CTNND2: variants seen among roughly 807,000 people sequenced by gnomAD.
CTNND2 encodes the protein catenin delta-2.
In CTNND2, 22 loss-of-function variants were observed where a neutral mutation model predicts 144.4. The ratio of observed to expected loss-of-function variants is 0.15; its 90% confidence interval spans 0.11 to 0.22. The LOEUF is 0.22. Ranked by LOEUF, CTNND2 falls within the 10% of genes least tolerant of loss-of-function variation. The probability of loss-of-function intolerance (pLI) is 1.00; values close to 1 mark genes in which losing one functional copy is unlikely to be tolerated. For synonymous variants in CTNND2, 751 were observed against 695.6 expected, an observed-to-expected ratio of 1.08 and a Z score of -1.25; for missense variants, 1,353 against 1,618.8, an observed-to-expected ratio of 0.84 and a Z score of 2.82.
At chr5:11,822,572 G>A (rs1793372669) in intron 1 of CTNND2, among the ~76,000 whole-genome samples, 1 of 151,938 alleles carries the variant, frequency 6.6e-6, no homozygotes, top group South Asian at 2.1e-4. Flanking sequence ...ACACAACAAC[G>A]TTGATGGGAT....
chr5:11,783,905 G>A (rs532436347), intron 1 of CTNND2, among the ~76,000 whole-genome samples: 20 of 152,292 alleles, frequency 1.3e-4, no homozygotes, highest in South Asian at 2.1e-4. Context: ...GATGTCTCTC[G>A]ATGGCACCCT....
chr5:11,291,194 C>A (rs1233447078), intron 9 of CTNND2, among the ~76,000 whole-genome samples: 1 of 152,108 alleles, frequency 6.6e-6, no homozygotes, highest in Non-Finnish European at 1.5e-5. Flanking sequence ...AAGGCAACAG[C>A]CTAACCTGGG....
At chr5:11,441,201 C>A (rs566999994) in intron 3 of CTNND2, among the ~76,000 whole-genome samples, 1 of 152,128 alleles carries the variant, frequency 6.6e-6, no homozygotes, top group South Asian at 2.1e-4. Flanking sequence ...ACCAAATACA[C>A]TCATGATATT....
intron 8 of CTNND2, among the ~76,000 whole-genome samples, chr5:11,364,406 G>C (rs1348440767): frequency 6.6e-6 from 1 of 152,208 alleles, no homozygotes; most frequent in African/African-American, 2.4e-5. Context: ...TTACGTAAGT[G>C]AATAACGATG....
intron 1 of CTNND2, among the ~76,000 whole-genome samples, chr5:11,805,922 G>C (rs1280684672): frequency 6.6e-6 from 1 of 152,104 alleles, no homozygotes; most frequent in African/African-American, 2.4e-5. Flanking sequence ...AAGTGAGCAA[G>C]GTCAACGTCA....
chr5:11,581,044 T>C (rs1488080166), intron 2 of CTNND2, among the ~76,000 whole-genome samples: 1 of 152,190 alleles, frequency 6.6e-6, no homozygotes, highest in Non-Finnish European at 1.5e-5. Flanking sequence ...TCACTTTTCT[T>C]ACAACTTTGA....
chr5:11,694,045 G>C (rs769697509), intron 2 of CTNND2, among the ~76,000 whole-genome samples: 1 of 152,084 alleles, frequency 6.6e-6, no homozygotes, highest in East Asian at 1.9e-4. Flanking sequence ...TATTTTCTCC[G>C]TAGGGCACAC....
intron 1 of CTNND2, among the ~76,000 whole-genome samples, chr5:11,749,005 G>A (rs1393531734): frequency 6.6e-6 from 1 of 151,940 alleles, no homozygotes; most frequent in African/African-American, 2.4e-5. Context: ...AGGTAGACAG[G>A]ATGCTCAAGC....
rs890974709 is a variant in CTNND2 at position 11,902,252 on chromosome 5, C to T, written c.37+1565G>A. ...AACAGTAGGAACATTCTCCGTATGG[C>T]AACCATATGCTAATAAAAGACATTT... On this transcript the variant is annotated intron_variant, in intron 1 of 21. Coordinates refer to ENST00000304623, the MANE Select transcript of CTNND2 (RefSeq NM_001332.4). Among the ~76,000 whole-genome samples the T allele has an allele frequency of 8.5e-5, 13 of 152,214 alleles. No homozygotes were observed. The South Asian group carries it at 1.2e-3, about 15-fold the overall frequency.
chr5:11,703,419 A>C (rs2126675660), intron 2 of CTNND2, among the ~76,000 whole-genome samples: 1 of 152,290 alleles, frequency 6.6e-6, no homozygotes, highest in Non-Finnish European at 1.5e-5. Flanking sequence ...GTTTACTGGA[A>C]GCAAGAGGGT....
At chr5:11,664,783 A>T (rs1783463855) in intron 2 of CTNND2, among the ~76,000 whole-genome samples, 1 of 152,334 alleles carries the variant, frequency 6.6e-6, no homozygotes, top group South Asian at 2.1e-4. Flanking sequence ...GAAAGCTAGA[A>T]TTGATAACTT....
intron 16 of CTNND2, among the ~76,000 whole-genome samples, chr5:11,060,521 C>G (rs548264962): frequency 5.3e-5 from 8 of 152,314 alleles, no homozygotes; most frequent in Admixed American, 1.3e-4. Context: ...ACACGAGAGT[C>G]TAGACTCGTG....
Position 11,674,901 on chromosome 5 carries a change from T to C in CTNND2, c.174+57235A>G, listed in dbSNP as rs1396724604. Among the ~76,000 whole-genome samples, 3 of 152,116 alleles carry C rather than the reference T, an allele frequency of 2.0e-5. No homozygotes were observed. The East Asian group carries it at 5.8e-4, about 29-fold the overall frequency. ...CCACCATGCCTGGCTAATTTTTGCA[T>C]TTTTTAAGTAGAGACAGGGTTTCAC... is the stretch of plus-strand genomic sequence containing the variant. On this transcript the variant is annotated intron_variant, in intron 2 of 21. Coordinates refer to ENST00000304623, the MANE Select transcript of CTNND2 (RefSeq NM_001332.4).
chr5:11,528,640 G>A (rs1177427637), intron 3 of CTNND2, among the ~76,000 whole-genome samples: 2 of 152,196 alleles, frequency 1.3e-5, no homozygotes, highest in East Asian at 1.9e-4. Flanking sequence ...TCACACTGGT[G>A]CCAAGCCCTG....
chr5:11,482,381 G>A (rs1277829972), intron 3 of CTNND2, among the ~76,000 whole-genome samples: 2 of 152,128 alleles, frequency 1.3e-5, no homozygotes, highest in Non-Finnish European at 2.9e-5. Flanking sequence ...GAAATATTCA[G>A]GATTCAGTGA....
At chr5:11,646,432 T>A (rs1782357018) in intron 2 of CTNND2, among the ~76,000 whole-genome samples, 1 of 152,134 alleles carries the variant, frequency 6.6e-6, no homozygotes. Context: ...GCCAGAGCCT[T>A]TCACAATAAT....
chr5:11,873,169 T>C (rs1560952325), intron 1 of CTNND2, among the ~76,000 whole-genome samples: 1 of 152,212 alleles, frequency 6.6e-6, no homozygotes, highest in Non-Finnish European at 1.5e-5. Flanking sequence ...TTCAATAGTG[T>C]TATGCTTATC....
chr5:11,349,535 C>T (rs1315914603), intron 8 of CTNND2, among the ~76,000 whole-genome samples: 2 of 152,102 alleles, frequency 1.3e-5, no homozygotes, highest in African/African-American at 4.8e-5. Context: ...ACCATGGCTA[C>T]CAGGGCAGGT....
chr5:11,477,860 A>G (rs1456333428), intron 3 of CTNND2, among the ~76,000 whole-genome samples: 1 of 152,200 alleles, frequency 6.6e-6, no homozygotes, highest in Non-Finnish European at 1.5e-5. Flanking sequence ...GAATGTTGTT[A>G]TGAATAGCGG....
Sources: allele counts gnomAD v4.1 joint callset (sites outside exome capture counted in the v4.1 genomes callset), GRCh38; gene constraint gnomAD v4.1.1; transcripts MANE v1.5; gene names NCBI Gene and HGNC (gene_info 2026-07-23, HGNC 2026-07-21).